CAMKMT: variants seen among roughly 807,000 people sequenced by gnomAD.
CAMKMT encodes the protein calmodulin-lysine N-methyltransferase, also known as CaM KMT.
CAMKMT carries 53 observed loss-of-function variants against 48.0 expected under a neutral mutation model. That is an observed-to-expected ratio of 1.10 (90% CI 0.89 to 1.39). CAMKMT has a LOEUF of 1.39. Ranked by LOEUF, CAMKMT falls within the 40% of genes most tolerant of loss-of-function variation. The probability of loss-of-function intolerance (pLI) is 0.00; values close to 1 mark genes in which losing one functional copy is unlikely to be tolerated. For missense variants in CAMKMT, 428 were observed against 402.7 expected (o/e 1.06, Z -0.54); for synonymous variants, 165 against 152.3 (o/e 1.08, Z -0.61).
chr2:44,751,551 T>C (rs1408300132), intron 8 of CAMKMT, among the ~76,000 whole-genome samples: 1 of 152,218 alleles, frequency 6.6e-6, no homozygotes, highest in African/African-American at 2.4e-5. Flanking sequence ...TAGCTAGTAC[T>C]CAGCTCAGTG....
At chr2:44,623,267 G>A (rs577768433) in intron 3 of CAMKMT, among the ~76,000 whole-genome samples, 64 of 152,090 alleles carry the variant, frequency 4.2e-4, no homozygotes, top group South Asian at 8.3e-4. Flanking sequence ...TCTCCATTCC[G>A]TAGGCTGTCT....
intron 7 of CAMKMT, among the ~76,000 whole-genome samples, chr2:44,728,888 C>G (rs1168956956): frequency 5.2e-5 from 3 of 57,936 alleles, no homozygotes; most frequent in East Asian, 9.8e-4. Flanking sequence ...TTTCATTGAT[C>G]TTTTGTATGG....
At chr2:44,690,637 C>A (rs1368355192) in intron 3 of CAMKMT, among the ~76,000 whole-genome samples, 3 of 152,106 alleles carry the variant, frequency 2.0e-5, no homozygotes, top group African/African-American at 7.2e-5. Flanking sequence ...GTACACAGCC[C>A]AGTGTTTGCC....
chr2:44,473,490 A>G (rs1430264789), intron 3 of CAMKMT, among the ~76,000 whole-genome samples: 4 of 152,186 alleles, frequency 2.6e-5, no homozygotes, highest in South Asian at 2.1e-4. Context: ...ATTCCATAAA[A>G]TGGTATGTTT....
intron 3 of CAMKMT, among the ~76,000 whole-genome samples, chr2:44,645,018 G>A (rs536705936): frequency 2.0e-5 from 3 of 152,200 alleles, no homozygotes; most frequent in Non-Finnish European, 2.9e-5. Context: ...TTTCCCCATC[G>A]ATAAAAGTGG....
intron 3 of CAMKMT, among the ~76,000 whole-genome samples, chr2:44,544,078 T>G (rs779741051): frequency 5.9e-5 from 9 of 152,094 alleles, no homozygotes; most frequent in Non-Finnish European, 8.8e-5. Flanking sequence ...AAGACGTTTT[T>G]GAGTAGGCTT....
chr2:44,535,824 G>C (rs1012304555), intron 3 of CAMKMT, among the ~76,000 whole-genome samples: 4 of 152,140 alleles, frequency 2.6e-5, no homozygotes, highest in Admixed American at 1.3e-4. Context: ...GTAAGAACTA[G>C]AATAAGACAA....
At chr2:44,717,100 C>G (rs1439797166) in intron 7 of CAMKMT, among the ~76,000 whole-genome samples, 1 of 151,982 alleles carries the variant, frequency 6.6e-6, no homozygotes, top group African/African-American at 2.4e-5. Flanking sequence ...AGGACATATA[C>G]CAAATGCTTA....
intron 3 of CAMKMT, among the ~76,000 whole-genome samples, chr2:44,554,873 C>G (rs1317090309): frequency 1.3e-5 from 2 of 151,802 alleles, no homozygotes; most frequent in Non-Finnish European, 2.9e-5. Flanking sequence ...AGACTGTCCT[C>G]AAAATAAAAT....
chr2:44,715,433 T>A, intron 7 of CAMKMT, 80 bp downstream of exon 7: 1 of 1,031,828 alleles, frequency 9.7e-7, no homozygotes, highest in South Asian at 1.4e-5. Context: ...AAAATAATAA[T>A]AGCTAACATT....
At chr2:44,449,828 T>G (rs1397486658) in intron 3 of CAMKMT, among the ~76,000 whole-genome samples, 1 of 151,914 alleles carries the variant, frequency 6.6e-6, no homozygotes, top group Non-Finnish European at 1.5e-5. Flanking sequence ...GGGGAGGGGG[T>G]TAGTACTAGA....
chr2:44,423,109 C>T (rs998484551), intron 3 of CAMKMT, among the ~76,000 whole-genome samples: 2 of 152,158 alleles, frequency 1.3e-5, no homozygotes, highest in African/African-American at 2.4e-5. Flanking sequence ...ATCCTGGTTT[C>T]AGTAGAATTA....
At chr2:44,514,365 T>C (rs1332023147) in intron 3 of CAMKMT, among the ~76,000 whole-genome samples, 3 of 152,174 alleles carry the variant, frequency 2.0e-5, no homozygotes, top group Admixed American at 1.3e-4. Flanking sequence ...GGTGAGCCTA[T>C]TGAATGAAGC....
chr2:44,659,576 A>AG (rs1312788861), intron 3 of CAMKMT, among the ~76,000 whole-genome samples: 2 of 151,972 alleles, frequency 1.3e-5, no homozygotes, highest in Non-Finnish European at 2.9e-5. Flanking sequence ...CAAAAAAAAA[A>AG]AAAAGAAAAA....
chr2:44,749,143 C>T lies in CAMKMT; in HGVS notation c.699-4912C>T, dbSNP rs531647699. ...TTCTAGCTCATCTGAGGATTCTTTT[C>T]CCATTGCTCAAAGTGACCTTCCATA... On this transcript the variant is annotated intron_variant, in intron 8 of 10. Transcript: ENST00000378494. 5.3e-5 allele frequency among the ~76,000 whole-genome samples: 8 copies of T among 152,236 alleles called. No individual in the cohort carries two copies. In the South Asian group the frequency reaches 1.7e-3, roughly 32 times the overall value.
chr2:44,737,975 C>A (rs1679452439), intron 7 of CAMKMT, among the ~76,000 whole-genome samples: 1 of 151,954 alleles, frequency 6.6e-6, no homozygotes, highest in African/African-American at 2.4e-5. Flanking sequence ...CCTGCTTCAG[C>A]CTCCCAAGTA....
chr2:44,713,426 C>T (rs1171963553), intron 6 of CAMKMT, among the ~76,000 whole-genome samples: 1 of 152,128 alleles, frequency 6.6e-6, no homozygotes, highest in Middle Eastern at 3.2e-3. Flanking sequence ...TGACTCTTTA[C>T]TAATTTTGTT....
chr2:44,630,755 T>C (rs1672764348), intron 3 of CAMKMT, among the ~76,000 whole-genome samples: 1 of 150,848 alleles, frequency 6.6e-6, no homozygotes, highest in African/African-American at 2.4e-5. Context: ...CAACAGGTGC[T>C]GGAGAGGATG....
chr2:44,606,745 C>G (rs961144562), intron 3 of CAMKMT, among the ~76,000 whole-genome samples: 2 of 151,798 alleles, frequency 1.3e-5, no homozygotes, highest in African/African-American at 4.8e-5. Flanking sequence ...AACAAAGTGC[C>G]TGCTATAGAA....
Sources: gnomAD v4.1 joint callset for allele counts (sites outside exome capture counted in the v4.1 genomes callset) on GRCh38, gnomAD v4.1.1 for gene constraint, MANE v1.5 for transcripts, NCBI Gene and HGNC (gene_info 2026-07-23, HGNC 2026-07-21) for gene names.